The following PPP2R3A variants were observed in gnomAD, a reference collection of about 807,000 sequenced individuals.
The protein encoded by PPP2R3A is serine/threonine-protein phosphatase 2A regulatory subunit B'' subunit alpha.
A neutral mutation model predicts 106.9 loss-of-function variants in PPP2R3A; 80 were observed. The ratio of observed to expected loss-of-function variants is 0.75; its 90% CI spans 0.62 to 0.90. The LOEUF (loss-of-function observed/expected upper bound fraction) is 0.90. Among genes scored for constraint, PPP2R3A ranks in the 40% least tolerant of loss-of-function variants. PPP2R3A has a pLI of 0.00. For synonymous variants in PPP2R3A, 483 were observed against 468.3 expected (o/e 1.03, Z -0.41); for missense variants, 1,386 against 1,350.4 (o/e 1.03, Z -0.41).
intron 4 of PPP2R3A, among the ~76,000 whole-genome samples, chr3:136,042,172 A>C (rs539845068): frequency 6.6e-6 from 1 of 152,340 alleles, no homozygotes; most frequent in African/African-American, 2.4e-5. Flanking sequence ...GTGATTAATA[A>C]ATGTATTCTT....
chr3:136,069,039 G>A (rs561233754), intron 5 of PPP2R3A, among the ~76,000 whole-genome samples: 2 of 152,212 alleles, frequency 1.3e-5, no homozygotes, highest in East Asian at 1.9e-4. Context: ...AAAGACTAAC[G>A]AACTTTCACA....
chr3:136,117,400 GAT>G (rs1277843208), intron 13 of PPP2R3A, among the ~76,000 whole-genome samples: 1 of 152,130 alleles, frequency 6.6e-6, no homozygotes, highest in Non-Finnish European at 1.5e-5. Flanking sequence ...AACTGAAAGA[GAT>G]AGAGACATGA....
intron 1 of PPP2R3A, among the ~76,000 whole-genome samples, chr3:135,971,138 A>G (rs1446511666): frequency 6.6e-6 from 1 of 152,182 alleles, no homozygotes; most frequent in Non-Finnish European, 1.5e-5. Flanking sequence ...ATTTTTTCCA[A>G]TTAACTTGAT....
chr3:136,121,904 A>G (rs180727105), intron 13 of PPP2R3A, among the ~76,000 whole-genome samples: 3 of 152,264 alleles, frequency 2.0e-5, no homozygotes, highest in Non-Finnish European at 4.4e-5. Context: ...TTTTTTTCCC[A>G]ATGTTCCCTT....
chr3:136,050,567 C>T (rs534756681), intron 5 of PPP2R3A, among the ~76,000 whole-genome samples: 91 of 152,258 alleles, frequency 6.0e-4, no homozygotes, highest in African/African-American at 2.1e-3. Flanking sequence ...TGTCAAGCCC[C>T]AGAACCTTTG....
intron 6 of PPP2R3A, among the ~76,000 whole-genome samples, chr3:136,074,293 T>C (rs971167459): frequency 6.6e-6 from 1 of 152,222 alleles, no homozygotes. Flanking sequence ...TAGTTAATTA[T>C]TTTGTCAGCT....
chr3:136,074,075 T>G lies in PPP2R3A; in HGVS notation c.2544+3523T>G, dbSNP rs182063109. ...TGACTCTATTGAATGTTATATAATC[T>G]TCGTGGCATACAGTATAGAAGAACA... On this transcript the variant is annotated intron_variant, in intron 6 of 13. Transcript: ENST00000264977. Among the ~76,000 whole-genome samples the G allele has an allele frequency of 1.6e-4, 24 of 152,300 alleles. No individual in the cohort carries two copies. The East Asian group carries it at 4.4e-3, about 28-fold the overall frequency.
intron 4 of PPP2R3A, among the ~76,000 whole-genome samples, chr3:136,042,588 A>T (rs1258852155): frequency 6.6e-6 from 1 of 152,224 alleles, no homozygotes; most frequent in Non-Finnish European, 1.5e-5. Flanking sequence ...GAATTGTTTA[A>T]ATTTTATCTG....
intron 1 of PPP2R3A, among the ~76,000 whole-genome samples, chr3:135,986,976 CCAGT>C (rs1352989149): frequency 6.6e-6 from 1 of 152,062 alleles, no homozygotes; most frequent in African/African-American, 2.4e-5. Context: ...TTAACTAAAG[CCAGT>C]CAGACTTCTT....
intron 5 of PPP2R3A, 131 bp from the exon 6 acceptor site, chr3:136,070,347 A>C: frequency 1.6e-6 from 1 of 617,322 alleles, no homozygotes; most frequent in Non-Finnish European, 2.7e-6. Flanking sequence ...TAAAGAATTA[A>C]ATTTTAAGTG....
At chr3:136,109,894 G>A (rs1232153376) in intron 13 of PPP2R3A, among the ~76,000 whole-genome samples, 1 of 152,090 alleles carries the variant, frequency 6.6e-6, no homozygotes, top group Non-Finnish European at 1.5e-5. Flanking sequence ...AATGGGAGTA[G>A]CACTTAATGA....
intron 10 of PPP2R3A, 127 bp downstream of exon 10, chr3:136,090,794 T>A: frequency 4.5e-6 from 3 of 672,072 alleles, no homozygotes; most frequent in Non-Finnish European, 7.6e-6. Context: ...TAGACTTAGT[T>A]TCTGCCGTCT....
intron 2 of PPP2R3A, 109 bp from the exon 3 acceptor site, chr3:136,026,723 C>G (rs1478515417): frequency 9.7e-7 from 1 of 1,026,452 alleles, no homozygotes; most frequent in East Asian, 2.6e-5. Flanking sequence ...ACAGTGAGCC[C>G]TTAATCTCTC....
intron 1 of PPP2R3A, among the ~76,000 whole-genome samples, chr3:135,973,626 AAGGCCCTAAAGAGTTTTC>A (rs1047720591): frequency 2.0e-5 from 3 of 152,176 alleles, no homozygotes; most frequent in Admixed American, 6.5e-5. Flanking sequence ...TAGGTGTTTA[AAGGCCCTAAAGAGTTTTC>A]AGGCATAGTA....
intron 2 of PPP2R3A, chr3:136,022,880 C>G: frequency 7.3e-7 from 1 of 1,377,612 alleles, no homozygotes; most frequent in Non-Finnish European, 9.3e-7. Flanking sequence ...TATTTGGGAA[C>G]CAGCTGCATG....
intron 10 of PPP2R3A, among the ~76,000 whole-genome samples, chr3:136,095,611 CT>C (rs1424039515): frequency 6.6e-6 from 1 of 152,188 alleles, no homozygotes; most frequent in African/African-American, 2.4e-5. Context: ...ATTTGCATGT[CT>C]ACCTTCTTTC....
intron 5 of PPP2R3A, among the ~76,000 whole-genome samples, chr3:136,049,717 T>C (rs140988215): frequency 1.3e-5 from 2 of 152,290 alleles, no homozygotes; most frequent in East Asian, 1.9e-4. Context: ...ACTTCTCTGT[T>C]AGCGTAGAAC....
In PPP2R3A at chr3:136,002,437, T is replaced by G. The variant is rs35214119; in HGVS notation, c.939T>G (p.Asn313Lys). ...EALDLTELIS[N>K]MPSLQLTPFS... is the part of the protein sequence containing the mutation. ...TAGATTTAACAGAACTGATCAGTAA[T>G]ATGCCTAGCTTACAACTGACTCCCT... The change falls in exon 2 of 14, where the codon AAT becomes AAG. Residue 313 changes from asparagine to lysine, a missense_variant. Transcript: ENST00000264977. The G allele has an allele frequency of 1.2e-4, 186 of 1,613,942 alleles. 1 individual carries two copies. In the Middle Eastern group the frequency reaches 1.7e-3, roughly 14 times the overall value.
In PPP2R3A at chr3:136,147,464, GA is replaced by G. The variant is rs1939183061; in HGVS notation, c.*2300del. ...ATTATCACATTTTCAGGAATTATAA[GA>G]ATGTGTTTTATTGTACTCCTTCCTT... On this transcript the variant is annotated 3_prime_UTR_variant, in exon 14 of 14. Transcript: ENST00000264977. 6.6e-6 allele frequency: 1 copy of G among 152,622 alleles called. No individual in the cohort carries two copies. The highest frequency in any genetic ancestry group is 2.4e-5 in the African/African-American group (1 of 41,442). 9.5% of individuals were successfully genotyped at this position (152,622 alleles called of 1,614,324 possible).
Sources: gnomAD v4.1 joint callset for allele counts (sites outside exome capture counted in the v4.1 genomes callset) on GRCh38, gnomAD v4.1.1 for gene constraint, MANE v1.5 for transcripts, NCBI Gene and HGNC (gene_info 2026-07-23, HGNC 2026-07-21) for gene names.